The following PRMT8 variants were observed in gnomAD, a reference collection of about 807,000 sequenced individuals.
The protein encoded by PRMT8 is protein arginine N-methyltransferase 8.
PRMT8 carries 7 observed loss-of-function variants against 47.1 expected under a neutral mutation model. The observed-to-expected ratio is 0.15, with a 90% CI of 0.08 to 0.28. PRMT8 has a LOEUF of 0.28. Among genes scored for constraint, PRMT8 ranks in the 10% least tolerant of loss-of-function variants. PRMT8 has a pLI of 1.00. For missense variants in PRMT8, 237 were observed against 505.4 expected (o/e 0.47, Z 5.09); for synonymous variants, 188 against 186.5 (o/e 1.01, Z -0.07).
chr12:3,494,076 A>G lies in PRMT8; in HGVS notation c.75+2376A>G, dbSNP rs1319636140. Reference sequence around the variant, plus strand: ...AGTGGGGTGTTGTGGACTTGCCTGCATTTATGGTAGATGAGAGCGGCAGGA... The same window carrying G: ...AGTGGGGTGTTGTGGACTTGCCTGCGTTTATGGTAGATGAGAGCGGCAGGA... On this transcript the variant is annotated intron_variant, in intron 1 of 9. Coordinates refer to ENST00000382622, the MANE Select transcript of PRMT8 (RefSeq NM_019854.5). 3.9e-5 allele frequency among the ~76,000 whole-genome samples: 6 copies of G among 152,178 alleles called. No individual in the cohort carries two copies. The South Asian group carries it at 1.2e-3, about 32-fold the overall frequency.
In PRMT8 at chr12:3,569,616, G is replaced by A. The variant is rs1463800784; in HGVS notation, c.712+52G>A. ...GACTTCCACTGCACAATTGGGGTGGGAGGCACTCCAGTGGGCCCGAGATGA... is the reference window on the plus strand; with the variant it reads ...GACTTCCACTGCACAATTGGGGTGGAAGGCACTCCAGTGGGCCCGAGATGA... On this transcript the variant is annotated intron_variant, in intron 6 of 9. Transcript: ENST00000382622. This position sits in a 1 kb window ranked among gnomAD's most constrained non-coding sequence, Gnocchi z 8.2. The A allele has an allele frequency of 4.8e-6, 7 of 1,467,896 alleles. No individual in the cohort carries two copies. The highest frequency in any genetic ancestry group is 1.4e-5 in the African/African-American group (1 of 71,900). 90.9% of individuals were successfully genotyped at this position (1,467,896 alleles called of 1,614,324 possible). A position where few individuals can be genotyped will look rare whatever the true frequency, so the allele number is the denominator to read the frequency against.
intron 1 of PRMT8, among the ~76,000 whole-genome samples, chr12:3,383,519 A>G (rs940905113): frequency 6.6e-6 from 1 of 152,244 alleles, no homozygotes; most frequent in Non-Finnish European, 1.5e-5. Flanking sequence ...CGGTTAGGTC[A>G]TGAGGGCAGA....
intron 1 of PRMT8, among the ~76,000 whole-genome samples, chr12:3,536,993 T>G (rs1037004113): frequency 5.3e-5 from 8 of 152,246 alleles, no homozygotes; most frequent in African/African-American, 1.9e-4. Flanking sequence ...ATCATTATGA[T>G]GATCCATGAT....
rs1864943101 is a variant in PRMT8, at chr12:3,453,542, G to T, written c.48+72100G>T. Among the ~76,000 whole-genome samples, 1 of 152,216 alleles carries T rather than the reference G, an allele frequency of 6.6e-6. No individual in the cohort carries two copies. The highest frequency in any genetic ancestry group is 2.4e-5 in the African/African-American group (1 of 41,458). On this transcript the variant is annotated intron_variant, in intron 1 of 9. Transcript: ENST00000452611. The surrounding 1 kb of genome is among the most constrained non-coding windows in gnomAD (Gnocchi z 4.9). ...AGAGGCCCTGCTTTCTCCTGGGGAA[G>T]CCAGACGCTGCATTCCGCATGCCAT...
intron 1 of PRMT8, among the ~76,000 whole-genome samples, chr12:3,387,810 T>C (rs896978270): frequency 2.0e-5 from 3 of 152,206 alleles, no homozygotes; most frequent in African/African-American, 7.2e-5. Context: ...TTGTTTTATT[T>C]CTCTCTAAAT....
chr12:3,531,946 A>C (rs529928725), intron 1 of PRMT8, among the ~76,000 whole-genome samples: 1 of 152,254 alleles, frequency 6.6e-6, no homozygotes, highest in African/African-American at 2.4e-5. Context: ...AGGAAGAGAG[A>C]AGGCCTGAAG....
intron 1 of PRMT8, among the ~76,000 whole-genome samples, chr12:3,388,779 G>T (rs894026442): frequency 1.3e-5 from 2 of 152,128 alleles, no homozygotes; most frequent in Non-Finnish European, 2.9e-5. Flanking sequence ...TTCTTATCTC[G>T]CTTGCTCCAG....
rs1475746745 is a variant in PRMT8, at chr12:3,469,237, C to A, written c.49-71369C>A. On this transcript the variant is annotated intron_variant, in intron 1 of 9. Coordinates refer to the PRMT8 transcript ENST00000452611. ...TAGTGAAGCCAGCAAGGACCAAACA[C>A]CCCCATCCTGATTTAGACCTTCACG... 2.4e-5 allele frequency: 11 copies of A among 449,102 alleles called. No individual in the cohort carries two copies. The East Asian group carries it at 6.4e-4, about 26-fold the overall frequency. The allele number at this position is 449,102 out of a possible 1,614,324, so 27.8% of individuals were successfully genotyped here.
chr12:3,519,669 G>A (rs1270909622), intron 1 of PRMT8, among the ~76,000 whole-genome samples: 4 of 152,148 alleles, frequency 2.6e-5, no homozygotes, highest in Non-Finnish European at 4.4e-5. Flanking sequence ...AGTCCACCAG[G>A]GGCAGCTGTC....
At chr12:3,489,972 T>C (rs934000212), upstream of PRMT8, among the ~76,000 whole-genome samples, 5 of 152,192 alleles carry the variant, frequency 3.3e-5, no homozygotes, top group East Asian at 9.6e-4. Flanking sequence ...GAGGACCAGA[T>C]GATGGAGGCA....
intron 7 of PRMT8, among the ~76,000 whole-genome samples, chr12:3,582,117 G>A (rs1350689795): frequency 6.6e-6 from 1 of 152,204 alleles, no homozygotes; most frequent in African/African-American, 2.4e-5. Context: ...CTAATGGGAA[G>A]TTCTTCCTTG....
At chr12:3,490,325 A>G (rs572186275), upstream of PRMT8, among the ~76,000 whole-genome samples, 11 of 152,136 alleles carry the variant, frequency 7.2e-5, no homozygotes, top group Admixed American at 2.6e-4. Context: ...AAAACAGAGA[A>G]AAAGAAGCTC....
intron 2 of PRMT8, among the ~76,000 whole-genome samples, chr12:3,544,605 G>A (rs1487927167): frequency 6.6e-6 from 1 of 152,192 alleles, no homozygotes; most frequent in Admixed American, 6.5e-5. Context: ...GTACTTATAG[G>A]TATGGGCGGG....
Position 3,568,793 on chromosome 12 carries a change from G to C in PRMT8, c.569G>C (p.Cys190Ser). 6.2e-7 allele frequency: 1 copy of C among 1,614,202 alleles called. No individual in the cohort carries two copies. Among genetic ancestry groups the C allele is most frequent in the Non-Finnish European group, 8.5e-7 (1 of 1,180,042 alleles). ...DIIISEWMGY[C>S]LFYESMLNTV... ...ATCATCAGCGAGTGGATGGGCTACT[G>C]TCTGTTCTATGAGTCCATGCTCAAC... Residue 190 changes from cysteine (C) to serine (S), a missense_variant, in exon 5 of 10, where the codon TGT becomes TCT. Transcript: ENST00000382622.
At chr12:3,519,670 G>A (rs1317400382) in intron 1 of PRMT8, among the ~76,000 whole-genome samples, 1 of 152,156 alleles carries the variant, frequency 6.6e-6, no homozygotes, top group Non-Finnish European at 1.5e-5. Context: ...GTCCACCAGG[G>A]GCAGCTGTCA....
chr12:3,590,118 C>T (rs1240812208), intron 8 of PRMT8, among the ~76,000 whole-genome samples: 2 of 152,234 alleles, frequency 1.3e-5, no homozygotes, highest in Non-Finnish European at 2.9e-5. Flanking sequence ...GGAACCCAGG[C>T]AGGGTCTGAA....
intron 1 of PRMT8, among the ~76,000 whole-genome samples, chr12:3,528,128 T>A (rs1443223812): frequency 1.3e-5 from 2 of 152,062 alleles, no homozygotes; most frequent in Non-Finnish European, 2.9e-5. Flanking sequence ...TACCTTGGTA[T>A]AGTTTTTTTA....
chr12:3,459,669 G>T (rs897631389), intron 1 of PRMT8, among the ~76,000 whole-genome samples: 12 of 152,226 alleles, frequency 7.9e-5, no homozygotes, highest in Non-Finnish European at 1.8e-4. Flanking sequence ...TGTTTGGGGT[G>T]GGGGCCCAGG....
intron 1 of PRMT8, among the ~76,000 whole-genome samples, chr12:3,402,702 C>A (rs575277301): frequency 5.3e-5 from 8 of 152,138 alleles, no homozygotes; most frequent in East Asian, 1.9e-4. Flanking sequence ...ATTTGGCCAA[C>A]AAACATATGA....
Sources: gnomAD v4.1 joint callset for allele counts (sites outside exome capture counted in the v4.1 genomes callset) on GRCh38, gnomAD v4.1.1 for gene constraint, Gnocchi (gnomAD v3.1) non-coding constraint, MANE v1.5 for transcripts, NCBI Gene and HGNC (gene_info 2026-07-23, HGNC 2026-07-21) for gene names.